The following KHDRBS2 variants were observed in gnomAD, a reference collection of about 807,000 sequenced individuals.
KHDRBS2 encodes the protein KH RNA binding domain containing, signal transduction associated 2, also known as KH domain-containing, RNA-binding, signal transduction-associated protein 2.
In KHDRBS2, 26 loss-of-function variants were observed where a neutral mutation model predicts 44.3. The ratio of observed to expected loss-of-function variants is 0.59; its 90% confidence interval spans 0.43 to 0.81. The LOEUF (loss-of-function observed/expected upper bound fraction) is 0.81, where lower values mean the gene tolerates loss of function less well. Among genes scored for constraint, KHDRBS2 ranks in the 40% least tolerant of loss-of-function variants. The pLI, the probability that KHDRBS2 is intolerant of heterozygous loss-of-function variation, is 0.00. For missense variants in KHDRBS2, 476 were observed against 433.1 expected (o/e 1.10, Z -0.88); for synonymous variants, 194 against 151.1 (o/e 1.28, Z -2.08).
chr6:61,694,225 CTAAGAT>C (rs1767663697), intron 8 of KHDRBS2, among the ~76,000 whole-genome samples: 1 of 152,086 alleles, frequency 6.6e-6, no homozygotes, highest in African/African-American at 2.4e-5. Context: ...TACAACATCT[CTAAGAT>C]TGAGATCAAT....
chr6:62,270,640 T>TA, intron 1 of KHDRBS2, among the ~76,000 whole-genome samples: 1 of 152,138 alleles, frequency 6.6e-6, no homozygotes, highest in East Asian at 1.9e-4. Context: ...ACTATACAAT[T>TA]ACCAAAACTC....
At chr6:61,550,766 C>CTTTTTTTTTTTTTTT in the KHDRBS2 span, among the ~76,000 whole-genome samples, 5 of 117,038 alleles carry the variant, frequency 4.3e-5, no homozygotes, top group African/African-American at 1.0e-4. Flanking sequence ...GAGATGGTAT[C>CTTTTTTTTTTTTTTT]TTTTTTTTTT....
intron 6 of KHDRBS2, among the ~76,000 whole-genome samples, chr6:61,886,530 C>G (rs777475639): frequency 2.6e-5 from 4 of 151,486 alleles, no homozygotes; most frequent in Admixed American, 1.3e-4. Flanking sequence ...CTATTTGGTA[C>G]TTATTATATG....
intron 4 of KHDRBS2, among the ~76,000 whole-genome samples, chr6:61,967,841 AATAC>A (rs747659948): frequency 2.3e-5 from 2 of 85,582 alleles, no homozygotes; most frequent in Non-Finnish European, 2.3e-5. Flanking sequence ...TCTCTCTCTC[AATAC>A]ATACATACAT....
chr6:61,962,822 C>T (rs1014690155), intron 4 of KHDRBS2, among the ~76,000 whole-genome samples: 9 of 151,972 alleles, frequency 5.9e-5, no homozygotes, highest in African/African-American at 1.7e-4. Flanking sequence ...AGATTTAGAA[C>T]CTTTGTTCCA....
intron 4 of KHDRBS2, among the ~76,000 whole-genome samples, chr6:61,917,284 T>A (rs1562437987): frequency 6.6e-6 from 1 of 151,834 alleles, no homozygotes; most frequent in Non-Finnish European, 1.5e-5. Context: ...TGAGTTTGTA[T>A]GAAGCCAAGG....
the KHDRBS2 span, among the ~76,000 whole-genome samples, chr6:61,569,178 G>C: frequency 6.6e-6 from 1 of 151,922 alleles, no homozygotes; most frequent in Non-Finnish European, 1.5e-5. Flanking sequence ...ATCCCCTCTG[G>C]AACATAACTC....
At chr6:61,784,974 C>G (rs1478833885) in intron 6 of KHDRBS2, among the ~76,000 whole-genome samples, 1 of 151,998 alleles carries the variant, frequency 6.6e-6, no homozygotes, top group East Asian at 1.9e-4. Flanking sequence ...CATGGCAAAA[C>G]TCTGTCTCTA....
At chr6:61,569,280 C>T in the KHDRBS2 span, among the ~76,000 whole-genome samples, 1 of 152,148 alleles carries the variant, frequency 6.6e-6, no homozygotes, top group Admixed American at 6.5e-5. Flanking sequence ...CTAATCTTGA[C>T]CCCAGCTGAT....
chr6:62,264,756 A>G (rs993044651), intron 1 of KHDRBS2, among the ~76,000 whole-genome samples: 8 of 151,782 alleles, frequency 5.3e-5, no homozygotes, highest in Non-Finnish European at 8.8e-5. Flanking sequence ...AATCATATAT[A>G]TGATAAATAT....
At chr6:61,604,377 G>A in the KHDRBS2 span, among the ~76,000 whole-genome samples, 2 of 152,094 alleles carry the variant, frequency 1.3e-5, no homozygotes, top group African/African-American at 2.4e-5. Context: ...ATCCCTCATG[G>A]CAGTTTTTCT....
chr6:61,731,704 T>C (rs192309812), intron 7 of KHDRBS2, among the ~76,000 whole-genome samples: 5 of 152,116 alleles, frequency 3.3e-5, no homozygotes, highest in Admixed American at 6.6e-5. Context: ...GTAAGTTCCA[T>C]TGGCTTCTGT....
intron 6 of KHDRBS2, among the ~76,000 whole-genome samples, chr6:61,743,700 A>G (rs1205112599): frequency 6.6e-6 from 1 of 151,934 alleles, no homozygotes; most frequent in African/African-American, 2.4e-5. Context: ...TTACATATGC[A>G]TACATTTGCC....
At chr6:61,646,485 A>G in the KHDRBS2 span, among the ~76,000 whole-genome samples, 1 of 152,246 alleles carries the variant, frequency 6.6e-6, no homozygotes, top group East Asian at 1.9e-4. Context: ...CAGAAACATC[A>G]TTATTTGGGG....
chr6:62,076,548 G>T (rs1048136373), intron 2 of KHDRBS2, among the ~76,000 whole-genome samples: 51 of 152,122 alleles, frequency 3.4e-4, no homozygotes, highest in African/African-American at 1.2e-3. Flanking sequence ...GGAATTCACT[G>T]TGAAGCCTTT....
At chr6:62,060,682 C>A (rs971481694) in intron 2 of KHDRBS2, among the ~76,000 whole-genome samples, 2 of 150,872 alleles carry the variant, frequency 1.3e-5, no homozygotes, top group African/African-American at 4.9e-5. Context: ...AAATATCTAC[C>A]ACAAGTATTA....
At chr6:61,570,913 G>A in the KHDRBS2 span, among the ~76,000 whole-genome samples, 28,490 of 151,950 alleles carry the variant, frequency 0.19, 3,038 homozygotes, top group East Asian at 0.29. Context: ...ACTGGTAACA[G>A]GAGTTCTATA....
chr6:61,905,697 G>A (rs1354607535), intron 4 of KHDRBS2, among the ~76,000 whole-genome samples: 1 of 151,872 alleles, frequency 6.6e-6, no homozygotes, highest in East Asian at 1.9e-4. Context: ...GAAAATAGTT[G>A]ATTTATCATT....
Position 61,953,178 on chromosome 6 carries a change from T to C in KHDRBS2, c.483+24888A>G, listed in dbSNP as rs556115087. On this transcript the variant is annotated intron_variant, in intron 4 of 8. Transcript: ENST00000281156. ...TCAAATCACTTTCTTATATATTAGGTAACTGGAGATTTATAATGACCCAGT... is the reference window on the plus strand; with the variant it reads ...TCAAATCACTTTCTTATATATTAGGCAACTGGAGATTTATAATGACCCAGT... Among the ~76,000 whole-genome samples the C allele has an allele frequency of 4.7e-4, 71 of 152,132 alleles. No individual in the cohort carries two copies. The South Asian group carries it at 0.015, about 32-fold the overall frequency.
Sources: allele counts gnomAD v4.1 joint callset (sites outside exome capture counted in the v4.1 genomes callset), GRCh38; gene constraint gnomAD v4.1.1; transcripts MANE v1.5; gene names NCBI Gene and HGNC (gene_info 2026-07-23, HGNC 2026-07-21).